LMBRD2: variants seen among roughly 807,000 people sequenced by gnomAD.
LMBRD2 encodes the protein LMBR1 domain containing 2.
Under a neutral mutation model 94.4 loss-of-function variants are expected in LMBRD2, and 55 were observed. The observed-to-expected ratio is 0.58, with a 90% confidence interval of 0.47 to 0.73. The LOEUF (loss-of-function observed/expected upper bound fraction) is 0.73, where lower values mean the gene tolerates loss of function less well. Among genes scored for constraint, LMBRD2 ranks in the 30% least tolerant of loss-of-function variants. LMBRD2 has a pLI of 0.00. For synonymous variants in LMBRD2, 246 were observed against 272.4 expected, an observed-to-expected ratio of 0.90 and a Z score of 0.95; for missense variants, 640 against 831.9, an observed-to-expected ratio of 0.77 and a Z score of 2.84.
intron 1 of LMBRD2, among the ~76,000 whole-genome samples, chr5:36,148,492 A>G (rs1744607403): frequency 6.6e-6 from 1 of 152,248 alleles, no homozygotes; most frequent in African/African-American, 2.4e-5. Context: ...ACATTTTGAT[A>G]GAGAATAATC....
intron 6 of LMBRD2, among the ~76,000 whole-genome samples, chr5:36,127,856 CG>C (rs1561518348): frequency 6.6e-6 from 1 of 152,176 alleles, no homozygotes; most frequent in African/African-American, 2.4e-5. Flanking sequence ...AACAAAAGCT[CG>C]GGTGGCTTTG....
intron 13 of LMBRD2, among the ~76,000 whole-genome samples, chr5:36,113,304 T>G (rs181620865): frequency 6.6e-6 from 1 of 152,130 alleles, no homozygotes; most frequent in Admixed American, 6.5e-5. Context: ...GCTTGCTCAA[T>G]CTATCAAGAC....
At chr5:36,106,729 C>T (rs1015815284) in intron 16 of LMBRD2, among the ~76,000 whole-genome samples, 3 of 151,784 alleles carry the variant, frequency 2.0e-5, no homozygotes, top group Non-Finnish European at 4.4e-5. Flanking sequence ...AGGCTGGTCT[C>T]GAACTCCTAA....
intron 6 of LMBRD2, among the ~76,000 whole-genome samples, chr5:36,135,370 AATT>A (rs758298971): frequency 9.2e-5 from 14 of 152,212 alleles, no homozygotes; most frequent in Non-Finnish European, 1.8e-4. Flanking sequence ...TGTTTACTAT[AATT>A]ATCACCATTA....
Position 36,113,289 on chromosome 5 carries a change from C to G in LMBRD2, c.1640+1135G>C, listed in dbSNP as rs1349612597. Among the ~76,000 whole-genome samples, 7 of 152,116 alleles carry G rather than the reference C, an allele frequency of 4.6e-5. 1 individual carries two copies. The East Asian group carries it at 1.4e-3, about 29-fold the overall frequency. ...GTGCATACAGCCCCCAGTCACGTAC[C>G]CCCTGCTTGCTCAATCTATCAAGAC... On this transcript the variant is annotated intron_variant, in intron 13 of 17. Transcript: ENST00000296603.
At chr5:36,112,099 A>G (rs1006238230) in intron 13 of LMBRD2, among the ~76,000 whole-genome samples, 2 of 152,126 alleles carry the variant, frequency 1.3e-5, no homozygotes, top group African/African-American at 4.8e-5. Context: ...AGCAATTTAG[A>G]AAAAGTGAAG....
chr5:36,149,595 C>A (rs1744639149), intron 1 of LMBRD2, among the ~76,000 whole-genome samples: 1 of 152,196 alleles, frequency 6.6e-6, no homozygotes, highest in African/African-American at 2.4e-5. Flanking sequence ...GAAGGGTGGA[C>A]CGTCTTCCTT....
intron 11 of LMBRD2, 59 bp from the exon 12 acceptor site, chr5:36,115,179 A>C: frequency 1.0e-6 from 1 of 986,448 alleles, no homozygotes; most frequent in Non-Finnish European, 1.5e-6. Context: ...TACATTTTAT[A>C]GTATACTGAG....
chr5:36,145,863 A>T (rs984160620), intron 1 of LMBRD2, among the ~76,000 whole-genome samples: 2 of 152,268 alleles, frequency 1.3e-5, no homozygotes, highest in Non-Finnish European at 2.9e-5. Context: ...TAACATCAGA[A>T]AATTACCCTA....
At position 36,136,345 on chromosome 5, in the gene LMBRD2, T is replaced by C. The variant is rs1200201522; in HGVS notation, c.711A>G (p.Lys237=). ...CTTCCAAATTCTCTTCTGCATCTGC[T>C]TTCTCTGTCATCAGTTTGGCTGCCT... ...YFKAAKLMTE[K]ADAEENLEDA... The change falls in exon 6 of 18, where the codon AAA becomes AAG. Residue 237 remains lysine, a synonymous_variant. Coordinates refer to ENST00000296603, the MANE Select transcript of LMBRD2 (RefSeq NM_001007527.2). 2 of 1,614,098 alleles carry C rather than the reference T, an allele frequency of 1.2e-6. No individual in the cohort carries two copies. Among genetic ancestry groups the C allele is most frequent in the Admixed American group, 1.7e-5 (1 of 60,030 alleles).
chr5:36,108,525 A>T lies in LMBRD2; in HGVS notation c.1897+9T>A. ...AATTTCCAAGTGAACTAGAAGATAA[A>T]CTACTTACAACGGTTGGTATTAACA... On this transcript the variant is annotated intron_variant, in intron 16 of 17. Coordinates refer to ENST00000296603, the MANE Select transcript of LMBRD2 (RefSeq NM_001007527.2). 1 of 1,431,756 alleles carries T rather than the reference A, an allele frequency of 7.0e-7. No individual in the cohort carries two copies. Among genetic ancestry groups the T allele is most frequent in the Non-Finnish European group, 9.7e-7 (1 of 1,035,090 alleles). 88.7% of individuals were successfully genotyped at this position (1,431,756 alleles called of 1,614,324 possible).
chr5:36,103,446 A>ATCT lies in LMBRD2; in HGVS notation c.*597_*599dup, dbSNP rs1743387832. On this transcript the variant is annotated 3_prime_UTR_variant, in exon 18 of 18. Transcript: ENST00000296603. ...ACAGACACGCATCACTTGAAGTATA[A>ATCT]TCTTAATCTTATACATGCAAAAATC... 1 of 152,364 alleles carries ATCT rather than the reference A, an allele frequency of 6.6e-6. No homozygotes were observed. 9.4% of individuals were successfully genotyped at this position (152,364 alleles called of 1,614,324 possible).
intron 6 of LMBRD2, among the ~76,000 whole-genome samples, chr5:36,134,092 A>G (rs1319663788): frequency 1.3e-5 from 2 of 152,140 alleles, no homozygotes; most frequent in East Asian, 1.9e-4. Context: ...CAAAATTTCA[A>G]ATATAAATGT....
chr5:36,139,433 G>A (rs971712160), intron 4 of LMBRD2, among the ~76,000 whole-genome samples: 2 of 152,178 alleles, frequency 1.3e-5, no homozygotes, highest in African/African-American at 2.4e-5. Context: ...AGGCAGATAG[G>A]CTCCTGGGCA....
intron 6 of LMBRD2, among the ~76,000 whole-genome samples, chr5:36,128,696 G>A (rs922110094): frequency 1.3e-5 from 2 of 152,038 alleles, no homozygotes; most frequent in Non-Finnish European, 2.9e-5. Context: ...CTGCACTCCA[G>A]CCTGGGTAAC....
At chr5:36,147,058 T>C (rs171600) in intron 1 of LMBRD2, among the ~76,000 whole-genome samples, 125,317 of 151,838 alleles carry the variant, frequency 0.83, 52,452 homozygotes, top group Non-Finnish European at 0.87. Context: ...TTACAGGGCT[T>C]ATCTGATTAC....
intron 2 of LMBRD2, 117 bp from the exon 3 acceptor site, chr5:36,142,716 CT>C (rs878956939): frequency 0.16 from 63,791 of 388,544 alleles, 220 homozygotes; most frequent in South Asian, 0.2. Flanking sequence ...ATGCTTTATT[CT>C]TTTTTTTTTT....
intron 17 of LMBRD2, among the ~76,000 whole-genome samples, 152 bp downstream of exon 17, chr5:36,104,911 TTAATA>T (rs1481064332): frequency 2.0e-5 from 3 of 152,246 alleles, no homozygotes; most frequent in African/African-American, 7.2e-5. Flanking sequence ...CAAAAGTTAC[TTAATA>T]TATTTTTTAT....
chr5:36,130,423 T>C (rs890202632), intron 6 of LMBRD2, among the ~76,000 whole-genome samples: 2 of 151,544 alleles, frequency 1.3e-5, no homozygotes, highest in East Asian at 1.9e-4. Context: ...CCAAAAAGCA[T>C]ACAACAGATA....
Sources: gnomAD v4.1 joint callset for allele counts (sites outside exome capture counted in the v4.1 genomes callset) on GRCh38, gnomAD v4.1.1 for gene constraint, MANE v1.5 for transcripts, NCBI Gene and HGNC (gene_info 2026-07-23, HGNC 2026-07-21) for gene names.